Variants in PRELID2 observed in about 807,000 individuals in gnomAD.
PRELID2 encodes PRELI domain containing 2.
A neutral mutation model predicts 28.4 loss-of-function variants in PRELID2; 25 were observed. The observed-to-expected ratio is 0.88, with a 90% CI of 0.64 to 1.23. PRELID2 has a LOEUF of 1.23. PRELID2 is among the 50% of genes most tolerant of loss of function. The pLI is 0.00. For synonymous variants in PRELID2, 76 were observed against 71.6 expected, an observed-to-expected ratio of 1.06 and a Z score of -0.31; for missense variants, 201 against 214.4, an observed-to-expected ratio of 0.94 and a Z score of 0.39.
the PRELID2 span, among the ~76,000 whole-genome samples, chr5:145,370,052 T>C: frequency 6.6e-6 from 1 of 152,150 alleles, no homozygotes; most frequent in Non-Finnish European, 1.5e-5. Context: ...TTGCAAAAGT[T>C]TTCTCCCATT....
intron 1 of PRELID2, among the ~76,000 whole-genome samples, chr5:145,476,616 G>A (rs1752104294): frequency 6.6e-6 from 1 of 151,946 alleles, no homozygotes; most frequent in Non-Finnish European, 1.5e-5. Context: ...CTGCACTCCA[G>A]CCTGGGCAAC....
intron 1 of PRELID2, among the ~76,000 whole-genome samples, chr5:145,591,074 T>C (rs970596136): frequency 6.6e-6 from 1 of 152,060 alleles, no homozygotes; most frequent in African/African-American, 2.4e-5. Flanking sequence ...GGTAGGAGGA[T>C]TGCTTGAGCC....
intron 1 of PRELID2, among the ~76,000 whole-genome samples, chr5:145,740,957 AATAAAG>A (rs1756695760): frequency 1.2e-4 from 1 of 8,250 alleles, no homozygotes; most frequent in Admixed American, 2.3e-3. Flanking sequence ...TTTATCTATA[AATAAAG>A]TATATATTAT....
At chr5:145,728,339 T>C (rs905401828) in intron 1 of PRELID2, 2 of 364,188 alleles carry the variant, frequency 5.5e-6, no homozygotes, top group African/African-American at 2.1e-5. Context: ...TTTATCTCTA[T>C]CTCTACTTAC....
intron 1 of PRELID2, among the ~76,000 whole-genome samples, chr5:145,714,308 G>A (rs1475479022): frequency 6.6e-6 from 1 of 152,052 alleles, no homozygotes; most frequent in African/African-American, 2.4e-5. Context: ...AGATTTAACA[G>A]GCACAAATGC....
At chr5:145,775,581 A>G (rs1037918055) in intron 5 of PRELID2, among the ~76,000 whole-genome samples, 1 of 152,234 alleles carries the variant, frequency 6.6e-6, no homozygotes, top group African/African-American at 2.4e-5. Flanking sequence ...CAGAAGAGAA[A>G]CATTCCACAG....
At chr5:145,513,372 C>T (rs963980876) in intron 1 of PRELID2, among the ~76,000 whole-genome samples, 5 of 151,298 alleles carry the variant, frequency 3.3e-5, no homozygotes, top group African/African-American at 1.2e-4. Context: ...ACAGATCAAG[C>T]AGAAGAAAAG....
At chr5:145,468,374 C>T (rs1168978821), downstream of PRELID2, among the ~76,000 whole-genome samples, 7 of 152,284 alleles carry the variant, frequency 4.6e-5, 1 homozygote, top group South Asian at 4.1e-4. Flanking sequence ...CCTCAATAAA[C>T]ATACGTGTGC....
At chr5:145,811,159 C>G (rs1266965498) in intron 4 of PRELID2, among the ~76,000 whole-genome samples, 1 of 142,698 alleles carries the variant, frequency 7.0e-6, no homozygotes, top group African/African-American at 2.6e-5. Context: ...CATCAGATCT[C>G]GTGAAACTTA....
intron 4 of PRELID2, among the ~76,000 whole-genome samples, chr5:145,802,438 G>T (rs574088471): frequency 6.6e-6 from 1 of 152,088 alleles, no homozygotes; most frequent in Non-Finnish European, 1.5e-5. Flanking sequence ...ACTAGCGCAC[G>T]GTAGGAAATC....
chr5:145,471,836 C>T (rs1462227519), exon 3 of PRELID2: 1 of 152,134 alleles, frequency 6.6e-6, no homozygotes, highest in Non-Finnish European at 1.5e-5. Context: ...AGAGAAATCA[C>T]TGGAGAATGA....
the PRELID2 span, among the ~76,000 whole-genome samples, chr5:145,308,050 G>T: frequency 1.1e-4 from 17 of 152,282 alleles, no homozygotes; most frequent in Admixed American, 2.0e-4. Flanking sequence ...CATTTGAAGG[G>T]AGGAAGCGGT....
chr5:145,539,335 C>T (rs1752728276), intron 1 of PRELID2, among the ~76,000 whole-genome samples: 1 of 152,048 alleles, frequency 6.6e-6, no homozygotes, highest in Non-Finnish European at 1.5e-5. Flanking sequence ...ACGCCATTTA[C>T]GTCAGACACA....
At chr5:145,271,688 G>A in the PRELID2 span, among the ~76,000 whole-genome samples, 2 of 152,036 alleles carry the variant, frequency 1.3e-5, no homozygotes, top group African/African-American at 4.8e-5. Flanking sequence ...TTGGAAAGTG[G>A]TTGTGATTTA....
chr5:145,675,716 T>C (rs1466768821), intron 1 of PRELID2, among the ~76,000 whole-genome samples: 1 of 152,220 alleles, frequency 6.6e-6, no homozygotes, highest in Non-Finnish European at 1.5e-5. Context: ...GAGAGTGGTT[T>C]TACATTTTTA....
chr5:145,719,373 A>T (rs1412006681), intron 1 of PRELID2, among the ~76,000 whole-genome samples: 1 of 151,932 alleles, frequency 6.6e-6, no homozygotes, highest in African/African-American at 2.4e-5. Context: ...ACTTGAGAAA[A>T]AGACAGTATA....
the PRELID2 span, among the ~76,000 whole-genome samples, chr5:145,465,911 C>T: frequency 3.3e-5 from 5 of 152,118 alleles, no homozygotes; most frequent in South Asian, 8.3e-4. Context: ...AAGATATATT[C>T]CCCTCCATTA....
chr5:145,754,799 T>C (rs931928092), downstream of PRELID2, among the ~76,000 whole-genome samples: 8 of 152,202 alleles, frequency 5.3e-5, no homozygotes, highest in African/African-American at 1.9e-4. Flanking sequence ...AGATGAACCC[T>C]ACAGTGGCAG....
At chr5:145,235,051 C>A in the PRELID2 span, among the ~76,000 whole-genome samples, 1 of 151,958 alleles carries the variant, frequency 6.6e-6, no homozygotes, top group Non-Finnish European at 1.5e-5. Flanking sequence ...GTAACAGGAC[C>A]ATAATATTAT....
Sources: allele counts gnomAD v4.1 joint callset (sites outside exome capture counted in the v4.1 genomes callset), GRCh38; gene constraint gnomAD v4.1.1; transcripts MANE v1.5; gene names NCBI Gene and HGNC (gene_info 2026-07-23, HGNC 2026-07-21).